Variants in PITPNM3 observed in about 807,000 individuals in gnomAD.
PITPNM3 encodes the protein PITPNM family member 3, also known as membrane-associated phosphatidylinositol transfer protein 3.
Under a neutral mutation model 102.0 loss-of-function variants are expected in PITPNM3, and 26 were observed. The ratio of observed to expected loss-of-function variants is 0.25; its 90% CI spans 0.19 to 0.35. The LOEUF (loss-of-function observed/expected upper bound fraction) is 0.35. PITPNM3 is among the 10% of genes least tolerant of loss of function. The pLI is 1.00. For synonymous variants in PITPNM3, 578 were observed against 558.6 expected, an observed-to-expected ratio of 1.03 and a Z score of -0.49; for missense variants, 1,083 against 1,346.1, an observed-to-expected ratio of 0.80 and a Z score of 3.06.
chr17:6,451,891 C>CG lies in PITPNM3; in HGVS notation c.*3446_*3447insC, dbSNP rs1913861885. 1 of 26,596 alleles carries CG rather than the reference C, an allele frequency of 3.8e-5. No individual in the cohort carries two copies. Among genetic ancestry groups the CG allele is most frequent in the African/African-American group, 1.8e-4 (1 of 5,686 alleles). The allele number at this position is 26,596 out of a possible 1,614,324, so 1.6% of individuals were successfully genotyped here. ...CACCCAAACCCCCCCCCCCCGCCCG[C>CG]CGATGGGATTCGGTGGGAAAGTTGG... is the stretch of plus-strand genomic sequence containing the variant. On this transcript the variant is annotated 3_prime_UTR_variant, in exon 20 of 20. Coordinates refer to ENST00000262483, the MANE Select transcript of PITPNM3 (RefSeq NM_031220.4).
chr17:6,556,355 C>G lies in PITPNM3; in HGVS notation c.22+30G>C. On this transcript the variant is annotated intron_variant, in intron 1 of 19. Transcript: ENST00000262483. This position sits in a 1 kb window ranked among gnomAD's most constrained non-coding sequence, Gnocchi z 5.2. ...ACGCGCGAGTCCCTCCCCCGGGCCC[C>G]GGCCCTGCCCTCCCCGCGCCCGCCC... 7.1e-7 allele frequency: 1 copy of G among 1,399,010 alleles called. No homozygotes were observed. Among genetic ancestry groups the G allele is most frequent in the Non-Finnish European group, 9.3e-7 (1 of 1,073,154 alleles). The allele number at this position is 1,399,010 out of a possible 1,614,324, so 86.7% of individuals were successfully genotyped here.
At chr17:6,552,927 T>C (rs1910395732) in intron 1 of PITPNM3, among the ~76,000 whole-genome samples, 2 of 151,972 alleles carry the variant, frequency 1.3e-5, no homozygotes, top group African/African-American at 2.4e-5. Context: ...CCATCACGCC[T>C]GGCTAATTTT....
At chr17:6,529,531 T>G (rs1053631235) in intron 2 of PITPNM3, among the ~76,000 whole-genome samples, 2 of 151,442 alleles carry the variant, frequency 1.3e-5, no homozygotes, top group African/African-American at 2.4e-5. Context: ...GTGGCAGAGG[T>G]TGCAGTGAGC....
At chr17:6,480,942 G>C (rs1455421264) in intron 6 of PITPNM3, 2 of 152,378 alleles carry the variant, frequency 1.3e-5, no homozygotes, top group Non-Finnish European at 2.9e-5. Flanking sequence ...ACAGGTGCCA[G>C]GGCCCACAGT....
At chr17:6,474,346 G>A (rs867292998) in intron 10 of PITPNM3, 86 bp downstream of exon 10, 138 of 1,516,424 alleles carry the variant, frequency 9.1e-5, no homozygotes, top group Middle Eastern at 7.5e-4. Context: ...CCCTGTCCCC[G>A]ACTTCACTCT....
In PITPNM3 at chr17:6,452,026, A is replaced by G. The variant is rs569285532; in HGVS notation, c.*3312T>C. The G allele has an allele frequency of 6.6e-6, 1 of 152,170 alleles. No individual in the cohort carries two copies. The highest frequency in any genetic ancestry group is 1.9e-4 in the East Asian group (1 of 5,166). 9.4% of individuals were successfully genotyped at this position (152,170 alleles called of 1,614,324 possible). A position where few individuals can be genotyped will look rare whatever the true frequency, so the allele number is the denominator to read the frequency against. ...TCATGAAAGACTCCAGGGCACAGGTATGGGTCCCAAAGGGGTAAAAATACA... is the reference window on the plus strand; with the variant it reads ...TCATGAAAGACTCCAGGGCACAGGTGTGGGTCCCAAAGGGGTAAAAATACA... On this transcript the variant is annotated 3_prime_UTR_variant, in exon 20 of 20. Coordinates refer to ENST00000262483, the MANE Select transcript of PITPNM3 (RefSeq NM_031220.4).
At chr17:6,547,280 T>C (rs1412564941) in intron 1 of PITPNM3, among the ~76,000 whole-genome samples, 2 of 152,240 alleles carry the variant, frequency 1.3e-5, no homozygotes, top group Non-Finnish European at 2.9e-5. Context: ...GAAGACCTGC[T>C]GGTATGTCAT....
chr17:6,487,927 C>A (rs1285709639), intron 4 of PITPNM3, among the ~76,000 whole-genome samples: 1 of 152,172 alleles, frequency 6.6e-6, no homozygotes, highest in African/African-American at 2.4e-5. Context: ...AAGAGTCTCA[C>A]CTCCTACGCT....
rs73352251 is a variant in PITPNM3, at chr17:6,498,273, A to C, written c.274+5254T>G. On this transcript the variant is annotated intron_variant, in intron 4 of 19. Transcript: ENST00000262483. ...GCTTCTGTCTCCTCCGCAGAGATGG[A>C]TGGTATGCTCAGGCTTCCCAATTAG... Among the ~76,000 whole-genome samples the C allele has an allele frequency of 4.2e-4, 64 of 152,304 alleles. 1 individual carries two copies. Among genetic ancestry groups the C allele is most frequent in the African/African-American group, 1.5e-3 (62 of 41,560 alleles).
intron 4 of PITPNM3, among the ~76,000 whole-genome samples, chr17:6,491,178 G>A (rs1357099076): frequency 1.3e-5 from 2 of 151,180 alleles, no homozygotes; most frequent in Middle Eastern, 3.2e-3. Context: ...GAACCAGCTC[G>A]CTAACCCTGC....
rs556737395 is a variant in PITPNM3, at chr17:6,462,034, C to G, written c.2307-478G>C. On this transcript the variant is annotated intron_variant, in intron 17 of 19. Coordinates refer to ENST00000262483, the MANE Select transcript of PITPNM3 (RefSeq NM_031220.4). ...CGGCCTCTTTCCCTCCACCCCTACT[C>G]CTACCCACATCTAACCTGAGCCCTG... Among the ~76,000 whole-genome samples, 5 of 152,290 alleles carry G rather than the reference C, an allele frequency of 3.3e-5. No individual in the cohort carries two copies. In the South Asian group the frequency reaches 1.0e-3, roughly 32 times the overall value.
intron 3 of PITPNM3, among the ~76,000 whole-genome samples, chr17:6,506,375 C>A (rs1179268625): frequency 9.3e-6 from 1 of 107,370 alleles, no homozygotes; most frequent in Non-Finnish European, 1.9e-5. Flanking sequence ...CTTTTCCTTT[C>A]TCTCTTTTTT....
intron 3 of PITPNM3, among the ~76,000 whole-genome samples, chr17:6,520,775 A>G (rs1357831236): frequency 6.6e-6 from 1 of 152,248 alleles, no homozygotes; most frequent in African/African-American, 2.4e-5. Flanking sequence ...AATGTGGTAT[A>G]TCCATACAAG....
At chr17:6,487,606 G>A (rs1446069806) in intron 4 of PITPNM3, among the ~76,000 whole-genome samples, 1 of 152,206 alleles carries the variant, frequency 6.6e-6, no homozygotes, top group Non-Finnish European at 1.5e-5. Context: ...CTATGGCAAG[G>A]CTATAAATAC....
chr17:6,512,638 G>A (rs1907932152), intron 3 of PITPNM3, among the ~76,000 whole-genome samples: 1 of 152,084 alleles, frequency 6.6e-6, no homozygotes, highest in Non-Finnish European at 1.5e-5. Context: ...TTAGTCCAGG[G>A]ACCACTCTTT....
chr17:6,465,577 T>G (rs1302039599), intron 14 of PITPNM3, among the ~76,000 whole-genome samples: 1 of 152,236 alleles, frequency 6.6e-6, no homozygotes, highest in Non-Finnish European at 1.5e-5. Flanking sequence ...TCCCAGCACC[T>G]GCTCCACCAC....
At position 6,468,138 on chromosome 17, in the gene PITPNM3, C is replaced by T; in HGVS notation, c.1890+87G>A. The stretch of plus-strand genomic sequence containing the variant: ...TCTGAGGACAAATTGAAGCGCTTAC[C>T]TCCCATGTGGATGCCCCAGCCCCCG... On this transcript the variant is annotated intron_variant, in intron 14 of 19. Transcript: ENST00000262483. This position sits in a 1 kb window ranked among gnomAD's most constrained non-coding sequence, Gnocchi z 5.2. 7.8e-7 allele frequency: 1 copy of T among 1,281,676 alleles called. No individual in the cohort carries two copies. Among genetic ancestry groups the T allele is most frequent in the Non-Finnish European group, 1.1e-6 (1 of 885,162 alleles). The allele number at this position is 1,281,676 out of a possible 1,614,324, so 79.4% of individuals were successfully genotyped here.
At chr17:6,516,871 A>G (rs4796506) in intron 3 of PITPNM3, among the ~76,000 whole-genome samples, 55,376 of 151,942 alleles carry the variant, frequency 0.36, 10,597 homozygotes, top group Middle Eastern at 0.55. Context: ...CTCTATTAAA[A>G]AAAGAAAGAA....
chr17:6,468,190 A>T lies in PITPNM3; in HGVS notation c.1890+35T>A, dbSNP rs562503763. The T allele has an allele frequency of 1.9e-6, 3 of 1,599,264 alleles. No individual in the cohort carries two copies. The highest frequency in any genetic ancestry group is 2.2e-5 in the East Asian group (1 of 44,828). Reference sequence around the variant, plus strand: ...GCCAGCCCCACCTCCCGGAGGACACAGTCCCAGCCACATGCGAACTGAGCA... The same window carrying T: ...GCCAGCCCCACCTCCCGGAGGACACTGTCCCAGCCACATGCGAACTGAGCA... On this transcript the variant is annotated intron_variant, in intron 14 of 19. Coordinates refer to ENST00000262483, the MANE Select transcript of PITPNM3 (RefSeq NM_031220.4). This position sits in a 1 kb window ranked among gnomAD's most constrained non-coding sequence, Gnocchi z 5.2.
Sources: gnomAD v4.1 joint callset for allele counts (sites outside exome capture counted in the v4.1 genomes callset) on GRCh38, gnomAD v4.1.1 for gene constraint, Gnocchi (gnomAD v3.1) non-coding constraint, MANE v1.5 for transcripts, NCBI Gene and HGNC (gene_info 2026-07-23, HGNC 2026-07-21) for gene names.